Variants in PRKN observed in about 807,000 individuals in gnomAD.
PRKN encodes parkin RBR E3 ubiquitin protein ligase, also known as E3 ubiquitin-protein ligase parkin.
Under a neutral mutation model 59.5 loss-of-function variants are expected in PRKN, and 56 were observed. The ratio of observed to expected loss-of-function variants is 0.94; its 90% CI spans 0.76 to 1.18. The LOEUF (loss-of-function observed/expected upper bound fraction) is 1.18. Among genes scored for constraint, PRKN ranks in the 50% most tolerant of loss-of-function variants. The pLI, the probability that PRKN is intolerant of heterozygous loss-of-function variation, is 0.00. For synonymous variants in PRKN, 250 were observed against 222.1 expected, an observed-to-expected ratio of 1.13 and a Z score of -1.12; for missense variants, 657 against 596.4, an observed-to-expected ratio of 1.10 and a Z score of -1.06.
chr6:162,037,806 A>G (rs1404001475), intron 5 of PRKN, among the ~76,000 whole-genome samples: 2 of 151,796 alleles, frequency 1.3e-5, no homozygotes, highest in African/African-American at 4.8e-5. Flanking sequence ...CAGCCTCCCA[A>G]AGTGCTGGGA....
chr6:162,621,682 TTTCA>T (rs1365886493), intron 1 of PRKN, among the ~76,000 whole-genome samples: 9 of 152,242 alleles, frequency 5.9e-5, no homozygotes, highest in East Asian at 1.9e-4. Context: ...ATTTTCTGCC[TTTCA>T]TTGTCTTATT....
At chr6:162,357,915 G>A (rs1460997929) in intron 2 of PRKN, among the ~76,000 whole-genome samples, 1 of 152,146 alleles carries the variant, frequency 6.6e-6, no homozygotes, top group African/African-American at 2.4e-5. Flanking sequence ...GGGGAAGGAG[G>A]GAGAGATGAG....
intron 6 of PRKN, among the ~76,000 whole-genome samples, chr6:161,889,735 A>T (rs941776881): frequency 1.3e-5 from 2 of 152,340 alleles, no homozygotes; most frequent in African/African-American, 2.4e-5. Context: ...TAAAAGTTTT[A>T]AAAAATAGTG....
At chr6:161,481,612 A>C (rs112110463) in intron 9 of PRKN, among the ~76,000 whole-genome samples, 1,600 of 152,252 alleles carry the variant, frequency 0.011, 22 homozygotes, top group African/African-American at 0.037. Context: ...CAAAAAACAA[A>C]AAAACAAAAC....
rs142348535 is a variant in PRKN, at chr6:161,933,030, G to A, written c.734+40272C>T. ...TGTGATGGCTCACGCCTGTAATCCC[G>A]TCACTTTGGGAGGCGGAGGCAGGCG... On this transcript the variant is annotated intron_variant, in intron 6 of 11. Coordinates refer to ENST00000366898, the MANE Select transcript of PRKN (RefSeq NM_004562.3). Among the ~76,000 whole-genome samples the A allele has an allele frequency of 6.9e-3, 1,057 of 152,220 alleles. 6 individuals are homozygous for A. The highest frequency in any genetic ancestry group is 0.024 in the African/African-American group (995 of 41,536).
intron 2 of PRKN, among the ~76,000 whole-genome samples, chr6:162,341,393 A>G (rs569103735): frequency 1.3e-5 from 2 of 152,150 alleles, no homozygotes; most frequent in Non-Finnish European, 2.9e-5. Context: ...TTGACCCAGC[A>G]ATCCCATTAC....
At chr6:161,903,718 T>C (rs1033616294) in intron 6 of PRKN, among the ~76,000 whole-genome samples, 1 of 151,870 alleles carries the variant, frequency 6.6e-6, no homozygotes, top group Admixed American at 6.6e-5. Context: ...GAAACAGATA[T>C]ACCCACTTAA....
chr6:162,189,188 T>TATTATGGA (rs1312168286), intron 4 of PRKN, among the ~76,000 whole-genome samples: 1 of 148,080 alleles, frequency 6.8e-6, no homozygotes, highest in African/African-American at 2.5e-5. Context: ...CCTATTCTAA[T>TATTATGGA]TATATTCTAT....
intron 3 of PRKN, among the ~76,000 whole-genome samples, chr6:162,238,467 C>T (rs1467529393): frequency 2.0e-5 from 3 of 152,166 alleles, no homozygotes; most frequent in Non-Finnish European, 4.4e-5. Context: ...ATGTTAATAG[C>T]TTGTAATGAA....
chr6:162,020,315 C>T (rs1783087674), intron 5 of PRKN, among the ~76,000 whole-genome samples: 1 of 74,316 alleles, frequency 1.3e-5, no homozygotes, highest in Admixed American at 2.5e-4. Context: ...AGAATGCTGA[C>T]TAAGTGACCA....
chr6:161,415,039 T>C (rs1201111615), intron 9 of PRKN, among the ~76,000 whole-genome samples: 2 of 152,078 alleles, frequency 1.3e-5, no homozygotes, highest in Non-Finnish European at 2.9e-5. Context: ...TCACCGTGAG[T>C]GTGGAGTCCA....
At chr6:161,507,404 C>G (rs1457577525) in intron 9 of PRKN, among the ~76,000 whole-genome samples, 4 of 152,202 alleles carry the variant, frequency 2.6e-5, no homozygotes, top group Admixed American at 6.5e-5. Context: ...GACACAATGA[C>G]TTGGGCAGAT....
At chr6:161,962,113 A>C (rs2128248756) in intron 6 of PRKN, among the ~76,000 whole-genome samples, 1 of 152,340 alleles carries the variant, frequency 6.6e-6, no homozygotes, top group African/African-American at 2.4e-5. Context: ...TTATTTTGTC[A>C]CAAATAGCTC....
intron 7 of PRKN, among the ~76,000 whole-genome samples, chr6:161,609,402 A>G (rs967946301): frequency 2.0e-5 from 3 of 152,202 alleles, no homozygotes; most frequent in Non-Finnish European, 4.4e-5. Flanking sequence ...GATGATGAAG[A>G]AAATGATACT....
At chr6:162,358,778 G>A (rs951916142) in intron 2 of PRKN, among the ~76,000 whole-genome samples, 6 of 151,778 alleles carry the variant, frequency 4.0e-5, no homozygotes, top group Non-Finnish European at 7.4e-5. Context: ...ACCTTGTTTA[G>A]GCCAGGCAGA....
At chr6:162,701,830 CAT>C (rs1484750222) in intron 1 of PRKN, among the ~76,000 whole-genome samples, 28 of 61,396 alleles carry the variant, frequency 4.6e-4, no homozygotes, top group Admixed American at 8.5e-4. Context: ...CATTCACATA[CAT>C]ACACACACAC....
At chr6:161,976,694 T>C (rs993964931) in intron 5 of PRKN, among the ~76,000 whole-genome samples, 1 of 152,208 alleles carries the variant, frequency 6.6e-6, no homozygotes, top group Non-Finnish European at 1.5e-5. Context: ...TGAAATACGC[T>C]GAGCTAGCTA....
chr6:161,809,501 G>A (rs763194018), intron 6 of PRKN, among the ~76,000 whole-genome samples: 15 of 152,000 alleles, frequency 9.9e-5, no homozygotes, highest in Non-Finnish European at 1.9e-4. Context: ...GAAATAAAGC[G>A]ACAAAAAAAA....
intron 2 of PRKN, among the ~76,000 whole-genome samples, chr6:162,367,556 C>T (rs530027012): frequency 6.6e-6 from 1 of 152,224 alleles, no homozygotes; most frequent in South Asian, 2.1e-4. Flanking sequence ...CCAGGACCAT[C>T]TCTGATTTCA....
Sources: gnomAD v4.1 joint callset for allele counts (sites outside exome capture counted in the v4.1 genomes callset) on GRCh38, gnomAD v4.1.1 for gene constraint, MANE v1.5 for transcripts, NCBI Gene and HGNC (gene_info 2026-07-23, HGNC 2026-07-21) for gene names.